The following HDAC8 variants were observed in gnomAD, a reference collection of about 807,000 sequenced individuals.
HDAC8 encodes the protein histone deacetylase 8, also known as histone deacetylase-like 1.
Under a neutral mutation model 32.2 loss-of-function variants are expected in HDAC8, and 1 was observed. That is an observed-to-expected ratio of 0.03 (90% CI 0.01 to 0.15). HDAC8 has a LOEUF of 0.15. Among genes scored for constraint, HDAC8 ranks in the 10% least tolerant of loss-of-function variants. The probability of loss-of-function intolerance (pLI) is 1.00; values close to 1 mark genes in which losing one functional copy is unlikely to be tolerated. For missense variants in HDAC8, 117 were observed against 300.0 expected, an observed-to-expected ratio of 0.39 and a Z score of 4.51; for synonymous variants, 108 against 113.9, an observed-to-expected ratio of 0.95 and a Z score of 0.33.
At chrX:72,334,810 GT>G (rs1555941887) in intron 10 of HDAC8, among the ~76,000 whole-genome samples, 1 of 111,407 alleles carries the variant, frequency 9.0e-6, no homozygotes, top group Non-Finnish European at 1.9e-5. Flanking sequence ...AAATATCCTG[GT>G]TTGGACAATA....
intron 9 of HDAC8, among the ~76,000 whole-genome samples, chrX:72,458,299 C>T (rs191001134): frequency 1.8e-5 from 2 of 112,529 alleles, no homozygotes; most frequent in African/African-American, 6.5e-5. Flanking sequence ...GGCTTTATGC[C>T]ATCACTGGCC....
chrX:72,366,321 C>T (rs1054440464), intron 9 of HDAC8, among the ~76,000 whole-genome samples: 6 of 112,239 alleles, frequency 5.3e-5, no homozygotes, highest in African/African-American at 1.6e-4. Context: ...CCAGCCTTAT[C>T]GCACACCACG....
chrX:72,494,159 G>A (rs2048952986), intron 5 of HDAC8, among the ~76,000 whole-genome samples: 1 of 111,438 alleles, frequency 9.0e-6, no homozygotes, highest in Non-Finnish European at 1.9e-5. Flanking sequence ...TCTCAAAGTA[G>A]TATATTGGTG....
At chrX:72,476,323 G>A (rs1161428929) in intron 7 of HDAC8, among the ~76,000 whole-genome samples, 2 of 110,642 alleles carry the variant, frequency 1.8e-5, no homozygotes, top group Admixed American at 1.9e-4. Flanking sequence ...TGGGCAGGGG[G>A]TAGGGTGGGC....
At chrX:72,468,734 C>A (rs1555996125) in intron 7 of HDAC8, among the ~76,000 whole-genome samples, 1 of 111,803 alleles carries the variant, frequency 8.9e-6, no homozygotes. Flanking sequence ...CAGGAAGCTT[C>A]TGGTCCACTA....
intron 4 of HDAC8, among the ~76,000 whole-genome samples, chrX:72,525,251 G>A (rs1364635369): frequency 1.8e-5 from 2 of 111,858 alleles, no homozygotes; most frequent in Non-Finnish European, 3.8e-5. Flanking sequence ...CATGCCTGGT[G>A]TCTAGCAGTA....
At chrX:72,417,168 A>T (rs781856052) in intron 9 of HDAC8, among the ~76,000 whole-genome samples, 4 of 111,485 alleles carry the variant, frequency 3.6e-5, no homozygotes, top group African/African-American at 1.3e-4. Flanking sequence ...CTTGAGAACC[A>T]GAACAAGACA....
At chrX:72,492,222 C>A (rs1410635117) in intron 5 of HDAC8, among the ~76,000 whole-genome samples, 2 of 112,014 alleles carry the variant, frequency 1.8e-5, no homozygotes, top group Non-Finnish European at 3.8e-5. Context: ...ACACTTGGAC[C>A]AATCATGTAT....
chrX:72,440,258 T>C (rs1347530241), intron 9 of HDAC8, among the ~76,000 whole-genome samples: 1 of 111,132 alleles, frequency 9.0e-6, no homozygotes, highest in Non-Finnish European at 1.9e-5. Context: ...CAGAAATAAA[T>C]AAGGTCTTTG....
At chrX:72,431,439 T>C (rs184171952) in intron 9 of HDAC8, among the ~76,000 whole-genome samples, 108 of 111,885 alleles carry the variant, frequency 9.7e-4, no homozygotes, top group African/African-American at 3.2e-3. Context: ...TGACCTGTCA[T>C]CCCCTCATTC....
chrX:72,514,361 T>C (rs782335518), intron 4 of HDAC8, among the ~76,000 whole-genome samples: 2 of 112,075 alleles, frequency 1.8e-5, no homozygotes, highest in Non-Finnish European at 3.8e-5. Context: ...GTGATTGTTG[T>C]CAGTAGGGTC....
chrX:72,563,272 T>C (rs2051648566), intron 4 of HDAC8, among the ~76,000 whole-genome samples: 1 of 111,881 alleles, frequency 8.9e-6, no homozygotes, highest in African/African-American at 3.2e-5. Context: ...AGCATAAGGC[T>C]GGGCATGGTG....
intron 4 of HDAC8, among the ~76,000 whole-genome samples, chrX:72,540,680 A>G (rs553354179): frequency 9.0e-6 from 1 of 111,723 alleles, no homozygotes; most frequent in African/African-American, 3.2e-5. Context: ...CGGTCCTGAT[A>G]ATTTGATATC....
At chrX:72,563,505 G>T (rs1358215464) in intron 4 of HDAC8, among the ~76,000 whole-genome samples, 2 of 111,379 alleles carry the variant, frequency 1.8e-5, no homozygotes, top group Non-Finnish European at 3.8e-5. Context: ...CCGTGCAACT[G>T]CACTCCAGCC....
intron 4 of HDAC8, among the ~76,000 whole-genome samples, chrX:72,507,179 C>T (rs1193503542): frequency 9.0e-6 from 1 of 110,638 alleles, no homozygotes; most frequent in African/African-American, 3.3e-5. Context: ...TGCCATCCCT[C>T]TTTTAATATG....
At chrX:72,504,730 T>A (rs1304174106) in intron 4 of HDAC8, among the ~76,000 whole-genome samples, 16 of 112,376 alleles carry the variant, frequency 1.4e-4, no homozygotes, top group African/African-American at 5.2e-4. Flanking sequence ...GTGGAATTTT[T>A]AGGTCATATA....
intron 9 of HDAC8, among the ~76,000 whole-genome samples, chrX:72,368,646 C>A (rs782366869): frequency 8.9e-6 from 1 of 112,478 alleles, no homozygotes; most frequent in East Asian, 2.8e-4. Flanking sequence ...TAAGCCACCA[C>A]GCCTGGCCAT....
intron 9 of HDAC8, among the ~76,000 whole-genome samples, chrX:72,437,118 T>C (rs1467184549): frequency 9.0e-6 from 1 of 111,694 alleles, no homozygotes; most frequent in Non-Finnish European, 1.9e-5. Flanking sequence ...GGGTGATTTC[T>C]GCATTTCCAA....
chrX:72,522,100 C>T (rs1290535143), intron 4 of HDAC8, among the ~76,000 whole-genome samples: 4 of 112,171 alleles, frequency 3.6e-5, no homozygotes, highest in Non-Finnish European at 5.6e-5. Flanking sequence ...TGAAACCCAA[C>T]AGGCACACAC....
Sources: allele counts gnomAD v4.1 joint callset (sites outside exome capture counted in the v4.1 genomes callset), GRCh38; gene constraint gnomAD v4.1.1; transcripts MANE v1.5; gene names NCBI Gene and HGNC (gene_info 2026-07-23, HGNC 2026-07-21).